BICC1: variants seen among roughly 807,000 people sequenced by gnomAD.
BICC1 encodes the protein protein bicaudal C homolog 1.
BICC1 carries 43 observed loss-of-function variants against 111.0 expected under a neutral mutation model. That is an observed-to-expected ratio of 0.39 (90% confidence interval 0.30 to 0.50). BICC1 has a LOEUF of 0.50. Among genes scored for constraint, BICC1 ranks in the 20% least tolerant of loss-of-function variants. BICC1 has a pLI of 0.88. For missense variants in BICC1, 1,091 were observed against 1,203.2 expected, an observed-to-expected ratio of 0.91 and a Z score of 1.38; for synonymous variants, 467 against 434.4, an observed-to-expected ratio of 1.07 and a Z score of -0.93.
At chr10:58,525,555 C>T (rs1589061670) in intron 1 of BICC1, among the ~76,000 whole-genome samples, 1 of 118,472 alleles carries the variant, frequency 8.4e-6, no homozygotes, top group African/African-American at 3.3e-5. Flanking sequence ...CACACTGGGG[C>T]CTGTTGTGGG....
intron 1 of BICC1, among the ~76,000 whole-genome samples, chr10:58,601,393 A>C (rs1363516273): frequency 2.6e-5 from 4 of 151,380 alleles, no homozygotes; most frequent in Non-Finnish European, 5.9e-5. Context: ...TATTGCTTCA[A>C]AGAGTTTTGC....
rs905335237 is a variant in BICC1, at chr10:58,616,025, G to A, written c.191-4830G>A. On this transcript the variant is annotated intron_variant, in intron 1 of 20. Transcript: ENST00000373886. ...CCAGGTGCAGGCTGGGTGCCTGGAG[G>A]CCTGGCTACACAGCTCAGCAAAAGA... Among the ~76,000 whole-genome samples the A allele has an allele frequency of 2.0e-5, 3 of 152,144 alleles. No homozygotes were observed. The East Asian group carries it at 5.8e-4, about 29-fold the overall frequency.
upstream of BICC1, among the ~76,000 whole-genome samples, chr10:58,512,751 C>A (rs1441668904): frequency 6.6e-6 from 1 of 151,426 alleles, no homozygotes; most frequent in African/African-American, 2.4e-5. Context: ...CGCCAGGGGC[C>A]GCCCGCCCGC....
intron 2 of BICC1, among the ~76,000 whole-genome samples, chr10:58,688,980 TAACA>T (rs2132401134): frequency 6.6e-6 from 1 of 152,244 alleles, no homozygotes; most frequent in African/African-American, 2.4e-5. Flanking sequence ...TATACCTGTG[TAACA>T]AACCTGCACA....
chr10:58,814,336 T>C, intron 18 of BICC1: 1 of 567,930 alleles, frequency 1.8e-6, no homozygotes, highest in East Asian at 2.9e-5. Flanking sequence ...TATTCTGTTA[T>C]GCTCTGCCTT....
intron 3 of BICC1, among the ~76,000 whole-genome samples, chr10:58,724,873 G>A (rs1841053572): frequency 2.0e-5 from 3 of 152,232 alleles, no homozygotes; most frequent in African/African-American, 7.2e-5. Flanking sequence ...GTCTGGGTAA[G>A]AAGGAAGTTG....
At chr10:58,784,894 ATTATGGAACCTC>A in intron 3 of BICC1, 95 bp from the exon 4 acceptor site, 2 of 447,028 alleles carry the variant, frequency 4.5e-6, no homozygotes, top group Admixed American at 8.0e-5. Context: ...TGTTGAGTTT[ATTATGGAACCTC>A]TTATGTTCTA....
intron 2 of BICC1, among the ~76,000 whole-genome samples, chr10:58,621,387 C>CTT (rs1845800818): frequency 1.3e-5 from 2 of 152,316 alleles, no homozygotes; most frequent in East Asian, 3.9e-4. Flanking sequence ...CAGGCTGATG[C>CTT]AGTTTAGGTA....
chr10:58,561,259 A>G (rs1843595797), intron 1 of BICC1, among the ~76,000 whole-genome samples: 1 of 152,008 alleles, frequency 6.6e-6, no homozygotes, highest in South Asian at 2.1e-4. Flanking sequence ...TACAATAATT[A>G]TATTTTCTGG....
intron 1 of BICC1, among the ~76,000 whole-genome samples, chr10:58,515,396 A>G (rs898768611): frequency 6.6e-6 from 1 of 152,180 alleles, no homozygotes. Context: ...CCTAAGCTAT[A>G]TGGTATAGTC....
At chr10:58,593,886 A>T (rs945130668) in intron 1 of BICC1, among the ~76,000 whole-genome samples, 5 of 152,052 alleles carry the variant, frequency 3.3e-5, no homozygotes, top group African/African-American at 1.2e-4. Context: ...TGACAAATTG[A>T]CAGACGTAGG....
chr10:58,594,389 C>T (rs1170761039), intron 1 of BICC1, among the ~76,000 whole-genome samples: 3 of 152,076 alleles, frequency 2.0e-5, no homozygotes, highest in Non-Finnish European at 4.4e-5. Context: ...CATAAAGATA[C>T]TCCTTGAGAA....
At chr10:58,512,601 T>C (rs1842115351), upstream of BICC1, among the ~76,000 whole-genome samples, 1 of 152,026 alleles carries the variant, frequency 6.6e-6, no homozygotes, top group South Asian at 2.1e-4. Context: ...AGACAGGAAT[T>C]ACGTGGATAC....
chr10:58,725,468 C>T (rs148268196), intron 3 of BICC1, among the ~76,000 whole-genome samples: 1 of 152,266 alleles, frequency 6.6e-6, no homozygotes, highest in African/African-American at 2.4e-5. Flanking sequence ...TAGTCTCCAT[C>T]CTTGTTTGTG....
chr10:58,769,264 G>A (rs1461404117), intron 3 of BICC1, among the ~76,000 whole-genome samples: 3 of 133,334 alleles, frequency 2.2e-5, no homozygotes, highest in Admixed American at 8.2e-5. Context: ...TGCTAACAGG[G>A]TAGATTTTAA....
At chr10:58,632,618 T>C (rs146728037) in intron 2 of BICC1, among the ~76,000 whole-genome samples, 119 of 151,576 alleles carry the variant, frequency 7.9e-4, no homozygotes, top group African/African-American at 2.7e-3. Context: ...GTATGTTGGG[T>C]GAAGTGAGGA....
At chr10:58,785,556 T>C (rs1842987312) in intron 4 of BICC1, among the ~76,000 whole-genome samples, 1 of 151,884 alleles carries the variant, frequency 6.6e-6, no homozygotes, top group Non-Finnish European at 1.5e-5. Context: ...GATCACGTGA[T>C]GTCTCTCTCT....
At chr10:58,555,194 T>C (rs1843410285) in intron 1 of BICC1, among the ~76,000 whole-genome samples, 1 of 152,004 alleles carries the variant, frequency 6.6e-6, no homozygotes, top group Non-Finnish European at 1.5e-5. Flanking sequence ...TTACCTTTAC[T>C]TTCAGTGCAA....
At chr10:58,731,204 A>G (rs1007070070) in intron 3 of BICC1, among the ~76,000 whole-genome samples, 1 of 152,180 alleles carries the variant, frequency 6.6e-6, no homozygotes, top group Non-Finnish European at 1.5e-5. Flanking sequence ...ACAACCAGGC[A>G]AGCTTTTTGC....
Sources: gnomAD v4.1 joint callset for allele counts (sites outside exome capture counted in the v4.1 genomes callset) on GRCh38, gnomAD v4.1.1 for gene constraint, MANE v1.5 for transcripts, NCBI Gene and HGNC (gene_info 2026-07-23, HGNC 2026-07-21) for gene names.